The following CEACAM20 variants were observed in gnomAD, a reference collection of about 807,000 sequenced individuals.
CEACAM20 encodes the protein cell adhesion molecule CEACAM20.
In CEACAM20, 50 loss-of-function variants were observed where a neutral mutation model predicts 61.2. The observed-to-expected ratio is 0.82, with a 90% CI of 0.65 to 1.03. The LOEUF (loss-of-function observed/expected upper bound fraction) is 1.03. Among genes scored for constraint, CEACAM20 ranks in the 50% least tolerant of loss-of-function variants. The pLI is 0.00. For missense variants in CEACAM20, 683 were observed against 736.4 expected (o/e 0.93, Z 0.84); for synonymous variants, 282 against 287.7 (o/e 0.98, Z 0.20).
chr19:44,529,443 A>C lies in CEACAM20; in HGVS notation c.52+15T>G. On this transcript the variant is annotated intron_variant, in intron 1 of 11. Transcript: ENST00000614924. ...ACCTCCCTCCTCCCGCATCTGAAGG[A>C]AGCAGGGCACTCACCTGAAAGCAGG... 6.2e-7 allele frequency: 1 copy of C among 1,612,540 alleles called. No individual in the cohort carries two copies. The highest frequency in any genetic ancestry group is 8.5e-7 in the Non-Finnish European group (1 of 1,179,332).
At position 44,525,253 on chromosome 19, in the gene CEACAM20, GGA is replaced by G. The variant is rs1275023275; in HGVS notation, c.53-11_53-10del. On this transcript the variant is annotated splice_polypyrimidine_tract_variant and intron_variant, in intron 1 of 11. Transcript: ENST00000614924. ...TACGGTACAAAGCGAGGCTACAAGGGGAGAGAGGAGGCATTCAGGGAGGGAGA... is the reference window on the plus strand; with the variant it reads ...TACGGTACAAAGCGAGGCTACAAGGGGAGAGGAGGCATTCAGGGAGGGAGA... 2.6e-6 allele frequency: 4 copies of G among 1,564,760 alleles called. No individual in the cohort carries two copies. The highest frequency in any genetic ancestry group is 4.8e-5 in the East Asian group (2 of 41,798).
At chr19:44,519,148 A>G (rs1255549748) in intron 5 of CEACAM20, among the ~76,000 whole-genome samples, 2 of 152,076 alleles carry the variant, frequency 1.3e-5, no homozygotes, top group African/African-American at 4.8e-5. Flanking sequence ...TATGGTGGAC[A>G]TCCCCATTCA....
At position 44,519,714 on chromosome 19, in the gene CEACAM20, A is replaced by G. The variant is rs1036721804; in HGVS notation, c.1030+760T>C. On this transcript the variant is annotated intron_variant, in intron 5 of 11. Coordinates refer to ENST00000614924, the MANE Select transcript of CEACAM20 (RefSeq NM_001102597.3). ...ACAGTTGCCATTCTGGTCCAGCCCT[A>G]TCATCTCTTGCTGCGCAACTCTGGC... Among the ~76,000 whole-genome samples the G allele has an allele frequency of 2.0e-4, 30 of 152,140 alleles. 1 individual carries two copies. The highest frequency in any genetic ancestry group is 1.9e-3 in the Admixed American group (29 of 15,274).
intron 1 of CEACAM20, among the ~76,000 whole-genome samples, chr19:44,528,952 CTTTCT>C (rs1364234204): frequency 8.1e-4 from 90 of 111,044 alleles, no homozygotes; most frequent in African/African-American, 3.2e-3. Context: ...TTCTCTCTTT[CTTTCT>C]TTTTTTTTTT....
chr19:44,519,346 C>G (rs1157328753), intron 5 of CEACAM20, among the ~76,000 whole-genome samples: 1 of 152,138 alleles, frequency 6.6e-6, no homozygotes, highest in Non-Finnish European at 1.5e-5. Context: ...TTGCTTAGCA[C>G]AGAGAGAGCA....
intron 11 of CEACAM20, among the ~76,000 whole-genome samples, chr19:44,507,217 A>C (rs1970844224): frequency 6.6e-6 from 1 of 152,208 alleles, no homozygotes; most frequent in Non-Finnish European, 1.5e-5. Flanking sequence ...GAAGCTTACT[A>C]GGTGGTATTT....
intron 11 of CEACAM20, among the ~76,000 whole-genome samples, chr19:44,508,023 C>T (rs1226465748): frequency 6.6e-6 from 1 of 152,174 alleles, no homozygotes; most frequent in African/African-American, 2.4e-5. Flanking sequence ...CAACAAGGAA[C>T]ACATTTATCC....
At chr19:44,506,265 A>G in intron 11 of CEACAM20, 51 bp from the exon 12 acceptor site, 1 of 1,543,318 alleles carries the variant, frequency 6.5e-7, no homozygotes, top group South Asian at 1.1e-5. Flanking sequence ...GGACCCTCCC[A>G]GTCTACTCAC....
At chr19:44,518,136 A>C (rs1971239581) in intron 5 of CEACAM20, among the ~76,000 whole-genome samples, 1 of 111,334 alleles carries the variant, frequency 9.0e-6, no homozygotes, top group African/African-American at 4.0e-5. Context: ...GGAAGGAAGG[A>C]AGGAAGGAAG....
intron 6 of CEACAM20, 32 bp downstream of exon 6, chr19:44,516,914 G>A (rs1193940500): frequency 6.4e-7 from 1 of 1,572,922 alleles, no homozygotes; most frequent in Non-Finnish European, 8.6e-7. Flanking sequence ...GGCCCCTCGG[G>A]TCCTGGGAGA....
intron 5 of CEACAM20, among the ~76,000 whole-genome samples, chr19:44,519,478 G>A (rs898029116): frequency 3.3e-5 from 5 of 152,060 alleles, no homozygotes; most frequent in African/African-American, 7.2e-5. Context: ...CTACTGCTTC[G>A]CATGTATGAA....
intron 1 of CEACAM20, among the ~76,000 whole-genome samples, chr19:44,527,780 C>A (rs1411601250): frequency 6.6e-6 from 1 of 152,254 alleles, no homozygotes; most frequent in African/African-American, 2.4e-5. Flanking sequence ...CAGGGACACA[C>A]AGCAAGGCTG....
At chr19:44,516,904 G>A (rs1468227546) in intron 6 of CEACAM20, 42 bp downstream of exon 6, 8 of 1,560,734 alleles carry the variant, frequency 5.1e-6, no homozygotes, top group Non-Finnish European at 6.9e-6. Context: ...CATCAGGAAA[G>A]GCCCCTCGGG....
chr19:44,516,552 C>A lies in CEACAM20; in HGVS notation c.1309+394G>T, dbSNP rs558334843. Among the ~76,000 whole-genome samples the A allele has an allele frequency of 2.0e-5, 3 of 152,316 alleles. No individual in the cohort carries two copies. The South Asian group carries it at 6.2e-4, about 32-fold the overall frequency. On this transcript the variant is annotated intron_variant, in intron 6 of 11. Coordinates refer to ENST00000614924, the MANE Select transcript of CEACAM20 (RefSeq NM_001102597.3). ...CTTGTCTGCCACCATGTAAGACATG[C>A]CTTTCGCCTTCCACCATGATTGTGA...
chr19:44,521,071 T>C (rs1971351427), intron 4 of CEACAM20, among the ~76,000 whole-genome samples: 1 of 151,920 alleles, frequency 6.6e-6, no homozygotes, highest in Admixed American at 6.6e-5. Context: ...GTGGTACACA[T>C]ATGCACTTTG....
rs753979697 is a variant in CEACAM20, at chr19:44,506,185, G to GTT, written c.1766_1767insAA (p.Tyr589Ter). The change falls in exon 12 of 12, where the codon TAC becomes TAAAC. Residue 589 changes from tyrosine to a stop codon, truncating the protein, a stop_gained and frameshift_variant. Transcript: ENST00000614924. LOFTEE classifies it high-confidence loss of function. ...EELVNPEPNT[Y>*]IQINPSV ...ATTAGACGGAGGGGTTGATTTGGAT[G>GTT]TAAGTGTTGGGCTCTGGATTCACAA... 2.5e-6 allele frequency: 4 copies of GTT among 1,613,844 alleles called. No individual in the cohort carries two copies. In the South Asian group the frequency reaches 4.4e-5, roughly 18 times the overall value.
At chr19:44,521,031 G>A (rs1295595092) in intron 4 of CEACAM20, among the ~76,000 whole-genome samples, 1 of 151,552 alleles carries the variant, frequency 6.6e-6, no homozygotes, top group Non-Finnish European at 1.5e-5. Flanking sequence ...TGTGTGTGTT[G>A]GGTGTATGTG....
intron 5 of CEACAM20, among the ~76,000 whole-genome samples, chr19:44,518,916 T>G (rs1301690984): frequency 6.6e-6 from 1 of 152,188 alleles, no homozygotes; most frequent in Non-Finnish European, 1.5e-5. Flanking sequence ...GGACAAAGCC[T>G]ATGTCTGAAG....
At chr19:44,522,123 T>A (rs1453317777) in intron 4 of CEACAM20, among the ~76,000 whole-genome samples, 6 of 151,794 alleles carry the variant, frequency 4.0e-5, no homozygotes, top group East Asian at 3.9e-4. Flanking sequence ...TTTTTTTTTT[T>A]AGACAGAGTC....
Sources: gnomAD v4.1 joint callset for allele counts (sites outside exome capture counted in the v4.1 genomes callset) on GRCh38, gnomAD v4.1.1 for gene constraint, MANE v1.5 for transcripts, NCBI Gene and HGNC (gene_info 2026-07-23, HGNC 2026-07-21) for gene names.